ZHX1: variants seen among roughly 807,000 people sequenced by gnomAD.
The protein encoded by ZHX1 is zinc fingers and homeoboxes 1, also known as zinc fingers and homeoboxes protein 1.
In ZHX1, 20 loss-of-function variants were observed where a neutral mutation model predicts 61.8. The ratio of observed to expected loss-of-function variants is 0.32; its 90% CI spans 0.23 to 0.47. ZHX1 has a LOEUF of 0.47. Among genes scored for constraint, ZHX1 ranks in the 20% least tolerant of loss-of-function variants. The probability of loss-of-function intolerance (pLI) is 1.00; values close to 1 mark genes in which losing one functional copy is unlikely to be tolerated. For synonymous variants in ZHX1, 318 were observed against 352.6 expected (o/e 0.90, Z 1.10); for missense variants, 800 against 1,034.8 (o/e 0.77, Z 3.11).
At chr8:123,257,017 C>T (rs1278448320) in intron 2 of ZHX1, 1 of 152,096 alleles carries the variant, frequency 6.6e-6, no homozygotes, top group Non-Finnish European at 1.5e-5. Context: ...CTCCTGGGTT[C>T]AAATGATTCT....
At chr8:123,253,232 A>G in intron 3 of ZHX1, 90 bp downstream of exon 3, 2 of 1,139,596 alleles carry the variant, frequency 1.8e-6, no homozygotes, top group South Asian at 1.6e-5. Flanking sequence ...GAAAATATCA[A>G]AAATGAAGAT....
chr8:123,274,469 G>C (rs981185803), upstream of ZHX1: 2 of 152,106 alleles, frequency 1.3e-5, no homozygotes, highest in African/African-American at 4.8e-5. Flanking sequence ...CCAAGGCGGG[G>C]CCCTCCCGCG....
At position 123,255,265 on chromosome 8, in the gene ZHX1, A is replaced by G; in HGVS notation, c.682T>C (p.Ser228Pro). 5 of 1,614,222 alleles carry G rather than the reference A, an allele frequency of 3.1e-6. No homozygotes were observed. Among genetic ancestry groups the G allele is most frequent in the Non-Finnish European group, 4.2e-6 (5 of 1,180,040 alleles). Residue 228 changes from serine to proline, a missense_variant, in exon 3 of 4, where the codon TCA becomes CCA. Coordinates refer to ENST00000395571, the MANE Select transcript of ZHX1 (RefSeq NM_007222.5). ...REEIVENPSS[S>P]ASESNTSTSI... ...GTACTTGTATTAGATTCAGAAGCTGAAGAACTTGGATTTTCTACAATTTCT... is the reference window on the plus strand; with the variant it reads ...GTACTTGTATTAGATTCAGAAGCTGGAGAACTTGGATTTTCTACAATTTCT...
chr8:123,269,299 G>A (rs1826566167), intron 1 of ZHX1, among the ~76,000 whole-genome samples: 1 of 152,188 alleles, frequency 6.6e-6, no homozygotes, highest in African/African-American at 2.4e-5. Context: ...CTTGAGAAGA[G>A]CTGCCAAGAC....
chr8:123,258,181 T>C (rs762663623), intron 2 of ZHX1, among the ~76,000 whole-genome samples: 1 of 152,154 alleles, frequency 6.6e-6, no homozygotes, highest in Non-Finnish European at 1.5e-5. Context: ...ATGAGTGAGT[T>C]CTCGCTCTAC....
rs1826046603 is a variant in ZHX1 at position 123,255,566 on chromosome 8, T to C, written c.381A>G (p.Gly127=). 6.2e-7 allele frequency: 1 copy of C among 1,612,900 alleles called. No homozygotes were observed. Among genetic ancestry groups the C allele is most frequent in the Non-Finnish European group, 8.5e-7 (1 of 1,179,810 alleles). ...CCATAGTCAACTTAAAATTCTCTTC[T>C]CCTGGGTGATATTTCAGATTATGCT... The part of the protein sequence containing the change: ...LSEHNLKYHP[G]EENFKLTMVK... The change falls in exon 3 of 4, where the codon GGA becomes GGG. Residue 127 remains glycine (G), a synonymous_variant. Coordinates refer to ENST00000395571, the MANE Select transcript of ZHX1 (RefSeq NM_007222.5).
At position 123,253,769 on chromosome 8, in the gene ZHX1, A is replaced by G; in HGVS notation, c.2178T>C (p.Tyr726=). ...KNGNLKWYYY[Y]QSANSSSMNG... ...TCATACTACTTGAATTGGCGCTCTG[A>G]TAGTAGTAGTACCATTTCAAGTTTC... The change falls in exon 3 of 4, where the codon TAT becomes TAC. Residue 726 remains tyrosine, a synonymous_variant. Coordinates refer to ENST00000395571, the MANE Select transcript of ZHX1 (RefSeq NM_007222.5). 6.2e-7 allele frequency: 1 copy of G among 1,614,168 alleles called. No individual in the cohort carries two copies.
chr8:123,267,727 C>T (rs1382897101), intron 1 of ZHX1, among the ~76,000 whole-genome samples: 3 of 152,126 alleles, frequency 2.0e-5, no homozygotes, highest in Admixed American at 1.3e-4. Flanking sequence ...ACCGGCCGGG[C>T]GCGGTGGCTC....
At chr8:123,265,501 A>G (rs1826426373) in intron 2 of ZHX1, among the ~76,000 whole-genome samples, 1 of 152,224 alleles carries the variant, frequency 6.6e-6, no homozygotes, top group South Asian at 2.1e-4. Context: ...ATTAGGTCAT[A>G]TTAAAACAAA....
intron 2 of ZHX1, among the ~76,000 whole-genome samples, chr8:123,261,427 C>A (rs1209337862): frequency 6.9e-6 from 1 of 145,532 alleles, no homozygotes; most frequent in Non-Finnish European, 1.5e-5. Flanking sequence ...AATTCAACCT[C>A]AATTTTCTCA....
In ZHX1 at chr8:123,253,569, T is replaced by C. The variant is rs1189858760; in HGVS notation, c.2378A>G (p.Lys793Arg). Residue 793 changes from lysine to arginine, a missense_variant, in exon 3 of 4, where the codon AAG (lysine) becomes AGG (arginine). Physicochemically the swap from Lys to Arg is conservative, Grantham distance 26. Transcript: ENST00000395571. Reference protein sequence around the residue: ...AILKDYYLKHKFLNEQDLDEL... With the variant: ...AILKDYYLKHRFLNEQDLDEL... ...ATCAAGGTCTTGCTCATTAAGAAAC[T>C]TGTGCTTCAGGTAATAATCCTTAAG... is the stretch of plus-strand genomic sequence containing the variant. The C allele has an allele frequency of 1.9e-6, 3 of 1,614,106 alleles. No individual in the cohort carries two copies. Among genetic ancestry groups the C allele is most frequent in the African/African-American group, 1.3e-5 (1 of 74,946 alleles).
chr8:123,256,314 TC>T (rs1200208949), intron 2 of ZHX1, 143 bp from the exon 3 acceptor site: 1 of 163,874 alleles, frequency 6.1e-6, no homozygotes, highest in Non-Finnish European at 1.3e-5. Flanking sequence ...GAAAAAAATG[TC>T]CTCTAAAGAT....
At position 123,255,967 on chromosome 8, in the gene ZHX1, C is replaced by A; in HGVS notation, c.-21G>T. ...GCCATTCTGATGTTATGAGGAAAAG[C>A]TCAGTGGTGATTAAAAAGCATCGAG... On this transcript the variant is annotated 5_prime_UTR_variant, in exon 3 of 4. Transcript: ENST00000395571. 1 of 1,570,454 alleles carries A rather than the reference C, an allele frequency of 6.4e-7. No homozygotes were observed. Among genetic ancestry groups the A allele is most frequent in the Non-Finnish European group, 8.6e-7 (1 of 1,159,206 alleles).
At chr8:123,264,606 T>C (rs1446222989) in intron 2 of ZHX1, among the ~76,000 whole-genome samples, 1 of 152,092 alleles carries the variant, frequency 6.6e-6, no homozygotes, top group Non-Finnish European at 1.5e-5. Flanking sequence ...TTGCCCAGGC[T>C]GGAGTGCACT....
At chr8:123,269,053 CTTA>C (rs1826557408) in intron 1 of ZHX1, among the ~76,000 whole-genome samples, 1 of 152,154 alleles carries the variant, frequency 6.6e-6, no homozygotes. Flanking sequence ...AGTGGAGCAT[CTTA>C]TTATCTCTGT....
rs567799424 is a variant in ZHX1 at position 123,256,151 on chromosome 8, T to C, written c.-205A>G. On this transcript the variant is annotated 5_prime_UTR_variant, in exon 3 of 4. Coordinates refer to ENST00000395571, the MANE Select transcript of ZHX1 (RefSeq NM_007222.5). Reference sequence around the variant, plus strand: ...AAATACTGCTGAATTTCTGAAATTTTTGAAGCACAACTCCAATCACCTACA... The same window carrying C: ...AAATACTGCTGAATTTCTGAAATTTCTGAAGCACAACTCCAATCACCTACA... 1 of 435,962 alleles carries C rather than the reference T, an allele frequency of 2.3e-6. No individual in the cohort carries two copies. Among genetic ancestry groups the C allele is most frequent in the Non-Finnish European group, 4.2e-6 (1 of 240,108 alleles). 27.0% of individuals were successfully genotyped at this position (435,962 alleles called of 1,614,324 possible).
intron 2 of ZHX1, among the ~76,000 whole-genome samples, chr8:123,259,039 G>A (rs1826163855): frequency 6.6e-6 from 1 of 152,140 alleles, no homozygotes; most frequent in Admixed American, 6.6e-5. Flanking sequence ...GACATTTTTA[G>A]GAAAGAGAGC....
intron 2 of ZHX1, 110 bp downstream of exon 2, chr8:123,267,163 G>T: frequency 1.0e-6 from 1 of 1,003,514 alleles, no homozygotes; most frequent in Non-Finnish European, 1.4e-6. Flanking sequence ...TATGTCTGCT[G>T]CTTTTTAAGG....
In ZHX1 at chr8:123,254,223, T is replaced by C; in HGVS notation, c.1724A>G (p.Lys575Arg). ...AAGGACACGAAGCTGCTCTGCAGTT[T>C]TCTCTTTAAACTTTTGGGGAGTAAA... ...PDFTPQKFKE[K>R]TAEQLRVLQA... Residue 575 changes from lysine (K) to arginine (R), a missense_variant, in exon 3 of 4, where the codon AAA (lysine) becomes AGA (arginine). By Grantham distance (26) the Lys-to-Arg change is conservative. Coordinates refer to ENST00000395571, the MANE Select transcript of ZHX1 (RefSeq NM_007222.5). This position sits in a 1 kb window ranked among gnomAD's most constrained non-coding sequence, Gnocchi z 4.1. 1 of 1,614,176 alleles carries C rather than the reference T, an allele frequency of 6.2e-7. No individual in the cohort carries two copies. Among genetic ancestry groups the C allele is most frequent in the Non-Finnish European group, 8.5e-7 (1 of 1,180,030 alleles).
Sources: allele counts gnomAD v4.1 joint callset (sites outside exome capture counted in the v4.1 genomes callset), GRCh38; gene constraint gnomAD v4.1.1; non-coding constraint Gnocchi (gnomAD v3.1); transcripts MANE v1.5; gene names NCBI Gene and HGNC (gene_info 2026-07-23, HGNC 2026-07-21).